Variants in MATCAP2 observed in about 807,000 individuals in gnomAD.
MATCAP2 encodes putative tyrosine carboxypeptidase MATCAP2.
chr7:36,389,193 T>A, the MATCAP2 span, among the ~76,000 whole-genome samples: 1 of 152,138 alleles, frequency 6.6e-6, no homozygotes, highest in Non-Finnish European at 1.5e-5. Flanking sequence ...CCCGAGTAGC[T>A]GGGATTAGAG....
the MATCAP2 span, chr7:36,366,779 C>T: frequency 6.5e-7 from 1 of 1,534,690 alleles, no homozygotes; most frequent in South Asian, 1.2e-5. Context: ...GCCTCCTGCG[C>T]GCCCCGAAGG....
chr7:36,339,973 C>T, the MATCAP2 span, among the ~76,000 whole-genome samples: 1 of 152,192 alleles, frequency 6.6e-6, no homozygotes, highest in South Asian at 2.1e-4. Context: ...AGTGATTCTC[C>T]TGCCTCAGCC....
the MATCAP2 span, among the ~76,000 whole-genome samples, chr7:36,371,974 C>G: frequency 6.6e-6 from 1 of 151,930 alleles, no homozygotes; most frequent in Non-Finnish European, 1.5e-5. Context: ...TGTAGCCTCT[C>G]AAAGTGCTGG....
the MATCAP2 span, among the ~76,000 whole-genome samples, chr7:36,338,029 A>AG: frequency 6.6e-6 from 1 of 152,180 alleles, no homozygotes; most frequent in African/African-American, 2.4e-5. Context: ...AAATCTCATA[A>AG]GATGGGTCTT....
At chr7:36,331,092 G>C in the MATCAP2 span, 4 of 1,535,756 alleles carry the variant, frequency 2.6e-6, no homozygotes, top group Non-Finnish European at 3.6e-6. Flanking sequence ...GGAGGAACCA[G>C]AATAGTGTTT....
chr7:36,374,684 C>A, the MATCAP2 span, among the ~76,000 whole-genome samples: 2 of 152,218 alleles, frequency 1.3e-5, no homozygotes, highest in South Asian at 4.1e-4. Context: ...GCTATCCCTC[C>A]CCCTGCCCCC....
At chr7:36,378,710 G>A in the MATCAP2 span, among the ~76,000 whole-genome samples, 1 of 152,214 alleles carries the variant, frequency 6.6e-6, no homozygotes, top group Admixed American at 6.5e-5. Flanking sequence ...CAGAGTTGGA[G>A]TCTACAGAGG....
At chr7:36,357,435 G>A in the MATCAP2 span, 8 of 1,614,004 alleles carry the variant, frequency 5.0e-6, no homozygotes, top group Middle Eastern at 3.3e-4. Flanking sequence ...TTGCTCTGTA[G>A]TAGGACATTG....
At chr7:36,326,502 T>C in the MATCAP2 span, 4 of 256,304 alleles carry the variant, frequency 1.6e-5, no homozygotes, top group East Asian at 2.3e-4. Flanking sequence ...TCTTCAAAAA[T>C]GCTCAGCAGT....
chr7:36,360,106 A>T, the MATCAP2 span, among the ~76,000 whole-genome samples: 3,118 of 152,288 alleles, frequency 0.02, 51 homozygotes, highest in Middle Eastern at 0.051. Context: ...TACTCTGAAG[A>T]ATTTGTTTTG....
the MATCAP2 span, among the ~76,000 whole-genome samples, chr7:36,361,928 T>C: frequency 1.3e-5 from 2 of 152,230 alleles, no homozygotes; most frequent in Non-Finnish European, 2.9e-5. Flanking sequence ...TATAATTCCA[T>C]TTATATGTAC....
the MATCAP2 span, among the ~76,000 whole-genome samples, chr7:36,338,444 T>C: frequency 1.3e-5 from 2 of 152,100 alleles, no homozygotes; most frequent in Non-Finnish European, 2.9e-5. Flanking sequence ...ACAACAGACA[T>C]ACACCACCAT....
the MATCAP2 span, chr7:36,366,984 G>A: frequency 5.3e-6 from 7 of 1,331,318 alleles, no homozygotes; most frequent in Non-Finnish European, 6.7e-6. Context: ...GGGCTCAGGG[G>A]AAAGGGCCGC....
chr7:36,332,270 A>G, the MATCAP2 span, among the ~76,000 whole-genome samples: 1 of 152,168 alleles, frequency 6.6e-6, no homozygotes, highest in African/African-American at 2.4e-5. Flanking sequence ...TAAAAAGAAC[A>G]CTCAAAAATG....
chr7:36,330,848 T>A, the MATCAP2 span: 9 of 548,584 alleles, frequency 1.6e-5, no homozygotes, highest in Non-Finnish European at 2.7e-5. Flanking sequence ...TCCCTCTTGA[T>A]ACGACATAAA....
the MATCAP2 span, chr7:36,367,122 G>C: frequency 8.1e-7 from 1 of 1,229,744 alleles, no homozygotes; most frequent in Non-Finnish European, 1.0e-6. Context: ...GACACTGACT[G>C]TGAGCAGCGC....
the MATCAP2 span, among the ~76,000 whole-genome samples, chr7:36,383,012 T>C: frequency 1.3e-5 from 2 of 152,204 alleles, no homozygotes; most frequent in Non-Finnish European, 2.9e-5. Context: ...AAAGGACTTA[T>C]GCCTGTAGTT....
the MATCAP2 span, chr7:36,330,927 G>A: frequency 6.0e-6 from 6 of 994,194 alleles, no homozygotes; most frequent in South Asian, 1.4e-5. Context: ...AAGCTTGAGT[G>A]AGGGGAATGC....
chr7:36,331,263 G>A, the MATCAP2 span, among the ~76,000 whole-genome samples: 1 of 152,130 alleles, frequency 6.6e-6, no homozygotes, highest in Non-Finnish European at 1.5e-5. Flanking sequence ...GAAGTGCCAG[G>A]ATGGTATGCA....
Sources: allele counts gnomAD v4.1 joint callset (sites outside exome capture counted in the v4.1 genomes callset), GRCh38; gene constraint gnomAD v4.1.1; transcripts MANE v1.5; gene names NCBI Gene and HGNC (gene_info 2026-07-23, HGNC 2026-07-21).